Variants in DLGAP1 observed in about 807,000 individuals in gnomAD.
The protein encoded by DLGAP1 is DLG associated protein 1, also known as disks large-associated protein 1.
A neutral mutation model predicts 90.8 loss-of-function variants in DLGAP1; 11 were observed. The ratio of observed to expected loss-of-function variants is 0.12; its 90% confidence interval spans 0.08 to 0.20. The LOEUF is 0.20. DLGAP1 is among the 10% of genes least tolerant of loss of function. The pLI, the probability that DLGAP1 is intolerant of heterozygous loss-of-function variation, is 1.00. For missense variants in DLGAP1, 1,050 were observed against 1,333.8 expected (o/e 0.79, Z 3.31); for synonymous variants, 558 against 540.7 (o/e 1.03, Z -0.44).
intron 4 of DLGAP1, among the ~76,000 whole-genome samples, chr18:3,865,896 C>T (rs1451690067): frequency 6.6e-6 from 1 of 152,158 alleles, no homozygotes; most frequent in Non-Finnish European, 1.5e-5. Context: ...GTTCCCTTTA[C>T]CCCATCTTCA....
intron 4 of DLGAP1, among the ~76,000 whole-genome samples, chr18:3,839,940 C>G (rs1408561289): frequency 2.0e-5 from 3 of 152,348 alleles, no homozygotes; most frequent in South Asian, 4.1e-4. Flanking sequence ...CCCTGAATCA[C>G]CAGGCATCAC....
intron 1 of DLGAP1, among the ~76,000 whole-genome samples, chr18:4,214,667 TTAACA>T (rs2077915598): frequency 6.6e-6 from 1 of 152,202 alleles, no homozygotes; most frequent in Non-Finnish European, 1.5e-5. Flanking sequence ...TTCACCCTCC[TTAACA>T]TAATTGCAAA....
At chr18:4,371,607 C>T (rs2081918453) in intron 1 of DLGAP1, among the ~76,000 whole-genome samples, 1 of 152,154 alleles carries the variant, frequency 6.6e-6, no homozygotes, top group African/African-American at 2.4e-5. Context: ...ATTATTGAGT[C>T]TTTAATCATT....
rs1000399011 is a variant in DLGAP1, at chr18:4,171,505, C to G, written c.-266-20218G>C. 6.0e-5 allele frequency among the ~76,000 whole-genome samples: 9 copies of G among 150,574 alleles called. No individual in the cohort carries two copies. The East Asian group carries it at 1.6e-3, about 26-fold the overall frequency. On this transcript the variant is annotated intron_variant, in intron 1 of 12. Coordinates refer to ENST00000315677, the MANE Select transcript of DLGAP1 (RefSeq NM_004746.4). ...GCGTGAACTCGGAAGGCGAAGCTTG[C>G]AGTGAGCCGAGATCGCACCACTGCA...
intron 1 of DLGAP1, among the ~76,000 whole-genome samples, chr18:4,295,995 T>C (rs2079971247): frequency 6.6e-6 from 1 of 152,184 alleles, no homozygotes; most frequent in African/African-American, 2.4e-5. Flanking sequence ...GATTACACCA[T>C]TGCAACATCA....
chr18:3,793,019 T>C (rs2065809370), intron 5 of DLGAP1, among the ~76,000 whole-genome samples: 1 of 152,140 alleles, frequency 6.6e-6, no homozygotes, highest in African/African-American at 2.4e-5. Flanking sequence ...ACTAGGAGTC[T>C]CAAGGCCCTC....
chr18:4,124,872 C>A (rs189780197), intron 2 of DLGAP1, among the ~76,000 whole-genome samples: 1 of 152,142 alleles, frequency 6.6e-6, no homozygotes, highest in South Asian at 2.1e-4. Flanking sequence ...GCCATTGTTA[C>A]CAGCAGTAGA....
intron 1 of DLGAP1, among the ~76,000 whole-genome samples, chr18:4,247,191 T>A (rs1387969173): frequency 6.6e-6 from 1 of 152,192 alleles, no homozygotes; most frequent in Admixed American, 6.5e-5. Flanking sequence ...TTATTATAAA[T>A]CATTACTGAG....
intron 9 of DLGAP1, among the ~76,000 whole-genome samples, chr18:3,561,523 T>A (rs1233745598): frequency 6.6e-6 from 1 of 150,596 alleles, no homozygotes; most frequent in Non-Finnish European, 1.5e-5. Flanking sequence ...TCAGAAGAAC[T>A]TCTTAACATT....
At chr18:3,631,521 G>A (rs1483092744) in intron 7 of DLGAP1, among the ~76,000 whole-genome samples, 2 of 152,156 alleles carry the variant, frequency 1.3e-5, no homozygotes, top group East Asian at 3.9e-4. Context: ...GCTGAGGCAG[G>A]AGGATCACTT....
chr18:3,744,806 A>G (rs1209627890), intron 5 of DLGAP1, among the ~76,000 whole-genome samples: 3 of 152,166 alleles, frequency 2.0e-5, no homozygotes, highest in Non-Finnish European at 4.4e-5. Flanking sequence ...TTGGCCTCCC[A>G]AAGTGTTGGG....
chr18:4,093,074 C>T (rs966116008), intron 2 of DLGAP1, among the ~76,000 whole-genome samples: 2 of 152,134 alleles, frequency 1.3e-5, no homozygotes, highest in African/African-American at 4.8e-5. Flanking sequence ...ACATTTATGA[C>T]ATGGTAGTTT....
chr18:4,176,879 C>A (rs976921181), intron 1 of DLGAP1, among the ~76,000 whole-genome samples: 1 of 152,114 alleles, frequency 6.6e-6, no homozygotes, highest in African/African-American at 2.4e-5. Context: ...TGCAGAGGTG[C>A]CCGTCAGGAT....
intron 8 of DLGAP1, among the ~76,000 whole-genome samples, chr18:3,577,060 C>T (rs1033269999): frequency 2.6e-5 from 4 of 152,016 alleles, no homozygotes; most frequent in African/African-American, 9.7e-5. Context: ...GGGGTTTCAC[C>T]ATGTTGGTCA....
rs1257822833 is a variant in DLGAP1, at chr18:3,601,021, GATAT to G, written c.1592-18777_1592-18774del. On this transcript the variant is annotated intron_variant, in intron 7 of 12. Transcript: ENST00000315677. The stretch of plus-strand genomic sequence containing the variant: ...ATATATAGATATAGATAGATATATA[GATAT>G]ATAGATATAGAGATAAAGATATAGA... 8.4e-3 allele frequency among the ~76,000 whole-genome samples: 1,198 copies of G among 141,914 alleles called. 21 individuals carry two copies. Among genetic ancestry groups the G allele is most frequent in the Middle Eastern group, 0.038 (10 of 264 alleles). The allele number at this position is 141,914 out of a possible 152,430, so 93.1% of individuals were successfully genotyped here. A position where few individuals can be genotyped will look rare whatever the true frequency, so the allele number is the denominator to read the frequency against.
chr18:3,948,817 A>G (rs537780686), intron 3 of DLGAP1, among the ~76,000 whole-genome samples: 20 of 152,278 alleles, frequency 1.3e-4, no homozygotes, highest in African/African-American at 4.8e-4. Flanking sequence ...AATTGGGTTC[A>G]GTGTATACTG....
intron 3 of DLGAP1, among the ~76,000 whole-genome samples, chr18:3,927,315 T>C (rs1458209063): frequency 6.6e-6 from 1 of 152,246 alleles, no homozygotes; most frequent in African/African-American, 2.4e-5. Context: ...TCATCTCGCC[T>C]AAGTGCTTTT....
chr18:4,451,023 T>C (rs1309869146), intron 1 of DLGAP1, among the ~76,000 whole-genome samples: 1 of 152,206 alleles, frequency 6.6e-6, no homozygotes, highest in African/African-American at 2.4e-5. Context: ...CTAAGTGGGA[T>C]GTTACTTGCT....
intron 9 of DLGAP1, among the ~76,000 whole-genome samples, chr18:3,535,568 C>A (rs974136398): frequency 6.6e-6 from 1 of 151,498 alleles, no homozygotes; most frequent in Non-Finnish European, 1.5e-5. Flanking sequence ...ATTAGTCGGG[C>A]GTGGTGGTGG....
Sources: gnomAD v4.1 joint callset for allele counts (sites outside exome capture counted in the v4.1 genomes callset) on GRCh38, gnomAD v4.1.1 for gene constraint, MANE v1.5 for transcripts, NCBI Gene and HGNC (gene_info 2026-07-23, HGNC 2026-07-21) for gene names.